The following CLN8 variants were observed in gnomAD, a reference collection of about 807,000 sequenced individuals.
CLN8 encodes CLN8 transmembrane ER and ERGIC protein.
CLN8 carries 14 observed loss-of-function variants against 15.7 expected under a neutral mutation model. That is an observed-to-expected ratio of 0.89 (90% CI 0.59 to 1.39). The LOEUF (loss-of-function observed/expected upper bound fraction) is 1.39. Among genes scored for constraint, CLN8 ranks in the 40% most tolerant of loss-of-function variants. CLN8 has a pLI of 0.00. For missense variants in CLN8, 415 were observed against 364.0 expected, an observed-to-expected ratio of 1.14 and a Z score of -1.14; for synonymous variants, 188 against 151.0, an observed-to-expected ratio of 1.25 and a Z score of -1.80.
At chr8:1,778,996 A>G (rs771783446) in intron 2 of CLN8, among the ~76,000 whole-genome samples, 2 of 152,224 alleles carry the variant, frequency 1.3e-5, no homozygotes, top group African/African-American at 4.8e-5. Context: ...GCAAAATCAT[A>G]TAGCACAAAG....
upstream of CLN8, among the ~76,000 whole-genome samples, chr8:1,753,353 C>T (rs1427274635): frequency 6.6e-6 from 1 of 151,900 alleles, no homozygotes; most frequent in Non-Finnish European, 1.5e-5. Context: ...GGCAGATCAC[C>T]TGAGATCAGG....
At chr8:1,780,189 T>G (rs1164518856) in intron 2 of CLN8, 61 bp from the exon 3 acceptor site, 3 of 1,613,868 alleles carry the variant, frequency 1.9e-6, no homozygotes, top group Admixed American at 3.3e-5. Context: ...CTTTTTGTGA[T>G]GTGAAGAATG....
intron 1 of CLN8, 40 bp from the exon 2 acceptor site, chr8:1,770,892 T>C: frequency 1.5e-6 from 1 of 678,842 alleles, no homozygotes; most frequent in Non-Finnish European, 2.6e-6. Flanking sequence ...GTGTCCTTGT[T>C]TCTATCGAGT....
rs55915521 is a variant in CLN8 at position 1,785,091 on chromosome 8, C to G, written c.*4524C>G. ...TCAAGTGTTTGACCAGGTCAGAACT[C>G]TTGTTCTATGCGAATGTGCTCACGC... On this transcript the variant is annotated 3_prime_UTR_variant, in exon 3 of 3. Coordinates refer to ENST00000331222, the MANE Select transcript of CLN8 (RefSeq NM_018941.4). The G allele has an allele frequency of 1.3e-5, 2 of 154,996 alleles. No individual in the cohort carries two copies. Among genetic ancestry groups the G allele is most frequent in the East Asian group, 1.9e-4 (1 of 5,270 alleles). 9.6% of individuals were successfully genotyped at this position (154,996 alleles called of 1,614,324 possible). A position where few individuals can be genotyped will look rare whatever the true frequency, so the allele number is the denominator to read the frequency against.
rs540406926 is a variant in CLN8 at position 1,771,720 on chromosome 8, A to G, written c.543+123A>G. Reference sequence around the variant, plus strand: ...ATTGCAGCACACACATTCAGTTACAAACTCATTTTAGTTGAATGCAATATT... The same window carrying G: ...ATTGCAGCACACACATTCAGTTACAGACTCATTTTAGTTGAATGCAATATT... On this transcript the variant is annotated intron_variant, in intron 2 of 2. Transcript: ENST00000331222. 172 of 864,078 alleles carry G rather than the reference A, an allele frequency of 2.0e-4. 1 individual carries two copies. In the South Asian group the frequency reaches 2.4e-3, roughly 12 times the overall value. 53.5% of individuals were successfully genotyped at this position (864,078 alleles called of 1,614,324 possible). A position where few individuals can be genotyped will look rare whatever the true frequency, so the allele number is the denominator to read the frequency against.
chr8:1,771,794 G>T (rs946579363), intron 2 of CLN8, among the ~76,000 whole-genome samples, 197 bp downstream of exon 2: 1 of 152,050 alleles, frequency 6.6e-6, no homozygotes, highest in African/African-American at 2.4e-5. Context: ...TCTGGCTCTC[G>T]TCCAGGCTGG....
At chr8:1,779,895 ATTGT>A (rs1334741694) in intron 2 of CLN8, 3 of 960,774 alleles carry the variant, frequency 3.1e-6, no homozygotes, top group Non-Finnish European at 3.7e-6. Flanking sequence ...CCAAATAAGT[ATTGT>A]TTATTTACTT....
chr8:1,780,263 A>T lies in CLN8; in HGVS notation c.557A>T (p.Glu186Val). The change falls in exon 3 of 3, where the codon GAG becomes GTG. Residue 186 changes from glutamate to valine, a missense_variant. Transcript: ENST00000331222. ...CTCTCCATGCAGGCGGGCTGGTCCG[A>T]GTCTCTGTTTTGGAAGCTCAACCAG... ...SWMLLKAGWSESLFWKLNQWL... is the reference protein window; with the variant it reads ...SWMLLKAGWSVSLFWKLNQWL... 6.2e-7 allele frequency: 1 copy of T among 1,614,192 alleles called. No homozygotes were observed. The highest frequency in any genetic ancestry group is 8.5e-7 in the Non-Finnish European group (1 of 1,180,042).
At chr8:1,762,190 AT>A (rs1395609877), upstream of CLN8, 5 of 151,936 alleles carry the variant, frequency 3.3e-5, no homozygotes, top group Admixed American at 6.6e-5. Context: ...ATTTTATTTT[AT>A]TTTTATTTTT....
At chr8:1,769,982 C>A (rs1801234649) in intron 1 of CLN8, among the ~76,000 whole-genome samples, 1 of 152,200 alleles carries the variant, frequency 6.6e-6, no homozygotes, top group African/African-American at 2.4e-5. Flanking sequence ...CCCAATCAGT[C>A]ACACAATTCA....
rs10638018 is a variant in CLN8 at position 1,781,953 on chromosome 8, T to TTGTGTGTGTGTGTGTGTGTG, written c.*1395_*1414dup. 2 of 147,880 alleles carry TTGTGTGTGTGTGTGTGTGTG rather than the reference T, an allele frequency of 1.4e-5. No individual in the cohort carries two copies. Among genetic ancestry groups the TTGTGTGTGTGTGTGTGTGTG allele is most frequent in the African/African-American group, 5.0e-5 (2 of 40,068 alleles). The allele number at this position is 147,880 out of a possible 1,614,324, so 9.2% of individuals were successfully genotyped here. On this transcript the variant is annotated 3_prime_UTR_variant, in exon 3 of 3. Coordinates refer to ENST00000331222, the MANE Select transcript of CLN8 (RefSeq NM_018941.4). ...CAATGTTGTTAACAGACATACAGAA[T>TTGTGTGTGTGTGTGTGTGTG]TGTGTGTGTGTGTGTGTGTGTGTGT...
chr8:1,755,984 T>C (rs970638285), exon 1 of CLN8: 4 of 152,242 alleles, frequency 2.6e-5, no homozygotes, highest in Non-Finnish European at 5.9e-5. Context: ...AGTACTGTTC[T>C]TGGTTTCTGA....
At chr8:1,767,006 C>T (rs1801089744) in intron 1 of CLN8, among the ~76,000 whole-genome samples, 1 of 152,218 alleles carries the variant, frequency 6.6e-6, no homozygotes. Flanking sequence ...ACGCTGATGC[C>T]ACGAAAGGAC....
chr8:1,776,525 C>T (rs189788514), intron 2 of CLN8, among the ~76,000 whole-genome samples: 1 of 151,860 alleles, frequency 6.6e-6, no homozygotes, highest in African/African-American at 2.4e-5. Flanking sequence ...CCAGTACACA[C>T]ACACACGTGA....
intron 1 of CLN8, among the ~76,000 whole-genome samples, chr8:1,768,060 C>T (rs1801139422): frequency 6.6e-6 from 1 of 151,958 alleles, no homozygotes; most frequent in Admixed American, 6.6e-5. Context: ...TCTCCTGCCT[C>T]AGCCTCCTGA....
At chr8:1,780,019 C>T (rs187734145) in intron 2 of CLN8, 1 of 985,466 alleles carries the variant, frequency 1.0e-6, no homozygotes, top group Non-Finnish European at 1.2e-6. Flanking sequence ...AGCAGGAAAA[C>T]AGCATGAGCG....
chr8:1,758,036 C>G (rs1161394445), intron 1 of CLN8, among the ~76,000 whole-genome samples: 1 of 151,988 alleles, frequency 6.6e-6, no homozygotes, highest in South Asian at 2.1e-4. Context: ...GAAGTAACAC[C>G]CAGCATAGAG....
chr8:1,761,012 C>CTTTTTTTTTTTTTTT (rs61327257), upstream of CLN8, among the ~76,000 whole-genome samples: 1 of 67,562 alleles, frequency 1.5e-5, no homozygotes, highest in Non-Finnish European at 2.6e-5. Flanking sequence ...CTATAGCCAT[C>CTTTTTTTTTTTTTTT]TTTTTTTTTT....
chr8:1,755,498 C>A (rs554865234), upstream of CLN8, among the ~76,000 whole-genome samples: 1 of 152,346 alleles, frequency 6.6e-6, no homozygotes, highest in East Asian at 1.9e-4. Flanking sequence ...GTGCCTCCCC[C>A]CGTTCTACCC....
Sources: allele counts gnomAD v4.1 joint callset (sites outside exome capture counted in the v4.1 genomes callset), GRCh38; gene constraint gnomAD v4.1.1; transcripts MANE v1.5; gene names NCBI Gene and HGNC (gene_info 2026-07-23, HGNC 2026-07-21).